Variants in ELF5 observed in about 807,000 individuals in gnomAD.
ELF5 encodes ETS-related transcription factor Elf-5.
In ELF5, 31 loss-of-function variants were observed where a neutral mutation model predicts 38.2. The ratio of observed to expected loss-of-function variants is 0.81; its 90% confidence interval spans 0.61 to 1.10. The LOEUF is 1.10. Among genes scored for constraint, ELF5 ranks in the 50% least tolerant of loss-of-function variants. The pLI is 0.00. For synonymous variants in ELF5, 121 were observed against 112.5 expected (o/e 1.08, Z -0.48); for missense variants, 300 against 306.6 (o/e 0.98, Z 0.16).
chr11:34,511,508 G>A (rs1850755131), intron 1 of ELF5: 2 of 1,613,934 alleles, frequency 1.2e-6, no homozygotes, highest in African/African-American at 1.3e-5. Context: ...AATCAGGTGG[G>A]CTCACTTCAC....
At chr11:34,511,798 C>A (rs1287485381) in intron 1 of ELF5, 1 of 554,728 alleles carries the variant, frequency 1.8e-6, no homozygotes, top group Non-Finnish European at 3.2e-6. Flanking sequence ...AACCACTCAG[C>A]CTTGGCCAGT....
At position 34,493,520 on chromosome 11, in the gene ELF5, C is replaced by A. The variant is rs189827054; in HGVS notation, c.314G>T (p.Gly105Val). 2 of 1,614,128 alleles carry A rather than the reference C, an allele frequency of 1.2e-6. No individual in the cohort carries two copies. The highest frequency in any genetic ancestry group is 3.3e-5 in the Admixed American group (2 of 60,018). Residue 105 changes from glycine (G) to valine (V), a missense_variant, in exon 3 of 7, where the codon GGC becomes GTC. Physicochemically the swap from Gly to Val is moderately radical, Grantham distance 109 (BLOSUM62 -3). Coordinates refer to ENST00000257832, the MANE Select transcript of ELF5 (RefSeq NM_001422.4). Reference sequence around the variant, plus strand: ...CTGGAGGATGAAGTACAGGTACTCGCCGCAGAGGCCAGCTGCCTCGACGAA... The same window carrying A: ...CTGGAGGATGAAGTACAGGTACTCGACGCAGAGGCCAGCTGCCTCGACGAA... ...EEFVEAAGLCGEYLYFILQNI... is the reference protein window; with the variant it reads ...EEFVEAAGLCVEYLYFILQNI...
At chr11:34,511,558 C>A in intron 1 of ELF5, 1 of 1,614,228 alleles carries the variant, frequency 6.2e-7, no homozygotes, top group Non-Finnish European at 8.5e-7. Context: ...GGGAGTGAGG[C>A]AGAGATGGCA....
intron 2 of ELF5, among the ~76,000 whole-genome samples, chr11:34,505,228 C>T (rs1039221617): frequency 1.3e-5 from 2 of 152,150 alleles, no homozygotes; most frequent in Non-Finnish European, 2.9e-5. Context: ...GTTTGGTACA[C>T]AGCTCGTGTT....
Position 34,480,115 on chromosome 11 carries a change from G to A in ELF5, c.*103C>T. On this transcript the variant is annotated 3_prime_UTR_variant, in exon 7 of 7. Transcript: ENST00000257832. The stretch of plus-strand genomic sequence containing the variant: ...AGAAATTTTATCAGCATGTTTGCAG[G>A]TTAAAAAAAAAGAGAAGAAAATGAA... The A allele has an allele frequency of 2.1e-6, 2 of 942,606 alleles. No individual in the cohort carries two copies. The highest frequency in any genetic ancestry group is 3.2e-6 in the Non-Finnish European group (2 of 618,582). 58.4% of individuals were successfully genotyped at this position (942,606 alleles called of 1,614,324 possible).
In ELF5 at chr11:34,480,860, C is replaced by A. The variant is rs1407863891; in HGVS notation, c.583G>T (p.Val195Leu). The change falls in exon 6 of 7, where the codon GTG (valine) becomes TTG (leucine). Residue 195 changes from valine (V) to leucine (L), a missense_variant. Coordinates refer to ENST00000257832, the MANE Select transcript of ELF5 (RefSeq NM_001422.4). Reference sequence around the variant, plus strand: ...TTTGCCAGGGCTTCCGATTTAACCACCCGAAAAATTCCTTGTTCCCTATCT... The same window carrying A: ...TTTGCCAGGGCTTCCGATTTAACCAACCGAAAAATTCCTTGTTCCCTATCT... ...WEDREQGIFR[V>L]VKSEALAKMW... is the part of the protein sequence containing the mutation. 1.9e-6 allele frequency: 3 copies of A among 1,614,124 alleles called. No homozygotes were observed. The highest frequency in any genetic ancestry group is 2.5e-6 in the Non-Finnish European group (3 of 1,180,020).
At chr11:34,510,187 C>T (rs1850718180) in intron 1 of ELF5, among the ~76,000 whole-genome samples, 1 of 152,162 alleles carries the variant, frequency 6.6e-6, no homozygotes, top group African/African-American at 2.4e-5. Flanking sequence ...GTAATTCCTT[C>T]TAAGGCAAAT....
chr11:34,496,996 A>G (rs745971343), intron 2 of ELF5, among the ~76,000 whole-genome samples: 1 of 152,234 alleles, frequency 6.6e-6, no homozygotes, highest in Non-Finnish European at 1.5e-5. Flanking sequence ...GTGTAATTGT[A>G]ATTATAAATA....
chr11:34,482,825 A>G (rs1175640197), intron 4 of ELF5, among the ~76,000 whole-genome samples: 2 of 152,086 alleles, frequency 1.3e-5, no homozygotes, highest in Non-Finnish European at 2.9e-5. Context: ...CAATTTAAGA[A>G]GATCTCTCTT....
At chr11:34,510,547 GA>G (rs1162466903) in intron 1 of ELF5, among the ~76,000 whole-genome samples, 1 of 152,156 alleles carries the variant, frequency 6.6e-6, no homozygotes, top group African/African-American at 2.4e-5. Flanking sequence ...TGAAAAGGCA[GA>G]TGTCCAGAGC....
chr11:34,487,028 TG>T (rs1850012206), intron 4 of ELF5, among the ~76,000 whole-genome samples: 1 of 152,212 alleles, frequency 6.6e-6, no homozygotes, highest in Non-Finnish European at 1.5e-5. Flanking sequence ...CTTTCTGGAA[TG>T]GGCTCATTGT....
rs200163881 is a variant in ELF5 at position 34,484,472 on chromosome 11, CACTATACTAACTATACTATACTATACTAT to C, written c.407-2002_407-1974del. 6.1e-3 allele frequency among the ~76,000 whole-genome samples: 565 copies of C among 93,070 alleles called. 6 individuals are homozygous for C. Among genetic ancestry groups the C allele is most frequent in the African/African-American group, 0.025 (550 of 22,002 alleles). The allele number at this position is 93,070 out of a possible 152,430, so 61.1% of individuals were successfully genotyped here. A position where few individuals can be genotyped will look rare whatever the true frequency, so the allele number is the denominator to read the frequency against. On this transcript the variant is annotated intron_variant, in intron 4 of 6. Coordinates refer to ENST00000257832, the MANE Select transcript of ELF5 (RefSeq NM_001422.4). Reference sequence around the variant, plus strand: ...ATACTAACTATACTGTACTGTGCTACACTATACTAACTATACTATACTATACTATACTATACTATACTATACTATACTAT... The same window carrying C: ...ATACTAACTATACTGTACTGTGCTACACTATACTATACTATACTATACTAT...
At chr11:34,480,594 TAAG>T (rs1856914078) in intron 6 of ELF5, among the ~76,000 whole-genome samples, 175 bp downstream of exon 6, 1 of 152,174 alleles carries the variant, frequency 6.6e-6, no homozygotes, top group Non-Finnish European at 1.5e-5. Context: ...CCAAGAATGC[TAAG>T]GACAGCGTGT....
intron 4 of ELF5, 138 bp from the exon 5 acceptor site, chr11:34,482,637 C>T (rs1309480277): frequency 1.6e-6 from 1 of 637,456 alleles, no homozygotes; most frequent in African/African-American, 1.9e-5. Context: ...GGGGTGATTA[C>T]TAGGTGGCAG....
Position 34,497,337 on chromosome 11 carries a change from C to T in ELF5, c.122-3625G>A, listed in dbSNP as rs79558657. 5.6e-3 allele frequency among the ~76,000 whole-genome samples: 854 copies of T among 152,274 alleles called. 12 individuals carry two copies. The highest frequency in any genetic ancestry group is 0.019 in the African/African-American group (800 of 41,546). The stretch of plus-strand genomic sequence containing the variant: ...TGTCGACCAGTAGACCATCATGGGC[C>T]TGGTAGGCTTGATCTGAATGCCCAT... On this transcript the variant is annotated intron_variant, in intron 2 of 6. Transcript: ENST00000257832.
In ELF5 at chr11:34,493,495, C is replaced by T; in HGVS notation, c.339G>A (p.Gln113=). 6.2e-7 allele frequency: 1 copy of T among 1,613,816 alleles called. No homozygotes were observed. Among genetic ancestry groups the T allele is most frequent in the Non-Finnish European group, 8.5e-7 (1 of 1,179,876 alleles). Residue 113 remains glutamine (Q), a synonymous_variant, in exon 3 of 7, where the codon CAG becomes CAA. Transcript: ENST00000257832. ...LCGEYLYFIL[Q]NIRTQGYSFF... is the part of the protein sequence containing the mutation. Reference sequence around the variant, plus strand: ...AACACTGACCTTGTGTGCGGATGTTCTGGAGGATGAAGTACAGGTACTCGC... The same window carrying T: ...AACACTGACCTTGTGTGCGGATGTTTTGGAGGATGAAGTACAGGTACTCGC...
chr11:34,507,454 T>C (rs1850638271), intron 1 of ELF5, among the ~76,000 whole-genome samples: 3 of 152,236 alleles, frequency 2.0e-5, no homozygotes, highest in Admixed American at 2.0e-4. Context: ...CAGGTGTGTC[T>C]GTTTAAAAAG....
intron 3 of ELF5, chr11:34,492,028 C>T (rs1237527108): frequency 6.6e-6 from 1 of 152,216 alleles, no homozygotes. Context: ...TGCCAAACTG[C>T]ATCTTTTTCC....
In ELF5 at chr11:34,505,484, C is replaced by G. The variant is rs151114553; in HGVS notation, c.121+145G>C. On this transcript the variant is annotated intron_variant, in intron 2 of 6. Coordinates refer to ENST00000257832, the MANE Select transcript of ELF5 (RefSeq NM_001422.4). ...TATCTGCAAGAGGTTGCCCTTCCTT[C>G]CATCCAGGAGCCCTCCAGCCCTCTG... The G allele has an allele frequency of 4.1e-4, 504 of 1,238,420 alleles. 2 individuals carry two copies. The African/African-American group carries it at 7.3e-3, about 18-fold the overall frequency. The allele number at this position is 1,238,420 out of a possible 1,614,324, so 76.7% of individuals were successfully genotyped here.
Sources: allele counts gnomAD v4.1 joint callset (sites outside exome capture counted in the v4.1 genomes callset), GRCh38; gene constraint gnomAD v4.1.1; transcripts MANE v1.5; gene names NCBI Gene and HGNC (gene_info 2026-07-23, HGNC 2026-07-21).